MPP7: variants seen among roughly 807,000 people sequenced by gnomAD.
MPP7 encodes the protein MAGUK p55 subfamily member 7.
Under a neutral mutation model 76.5 loss-of-function variants are expected in MPP7, and 60 were observed. That is an observed-to-expected ratio of 0.78 (90% confidence interval 0.64 to 0.97). The LOEUF (loss-of-function observed/expected upper bound fraction) is 0.97. Among genes scored for constraint, MPP7 ranks in the 50% least tolerant of loss-of-function variants. The pLI, the probability that MPP7 is intolerant of heterozygous loss-of-function variation, is 0.00. For missense variants in MPP7, 641 were observed against 694.0 expected (o/e 0.92, Z 0.86); for synonymous variants, 237 against 244.5 (o/e 0.97, Z 0.29).
rs1025850719 is a variant in MPP7, at chr10:28,054,360, C to T, written c.1552-116G>A. On this transcript the variant is annotated intron_variant, in intron 16 of 16. Transcript: ENST00000683449. ...ATGCTGTTCTGTGTTCAGTCTTTCC[C>T]CTCAGCCAGAAATAAAAGTCATCCT... The T allele has an allele frequency of 1.6e-5, 10 of 618,186 alleles. No homozygotes were observed. In the African/African-American group the frequency reaches 1.9e-4, roughly 12 times the overall value. 38.3% of individuals were successfully genotyped at this position (618,186 alleles called of 1,614,324 possible).
At chr10:28,204,260 T>C (rs112215295) in intron 2 of MPP7, among the ~76,000 whole-genome samples, 23 of 152,110 alleles carry the variant, frequency 1.5e-4, no homozygotes, top group African/African-American at 5.3e-4. Context: ...CTGGCCAACA[T>C]GGTGAAACCC....
chr10:28,200,482 GCTTT>G (rs1837734655), intron 3 of MPP7, among the ~76,000 whole-genome samples: 1 of 152,136 alleles, frequency 6.6e-6, no homozygotes, highest in Admixed American at 6.5e-5. Context: ...CCTCCGCTAT[GCTTT>G]CTAACCACTT....
chr10:28,264,588 T>TA (rs1297456264), intron 1 of MPP7, among the ~76,000 whole-genome samples: 2 of 150,696 alleles, frequency 1.3e-5, no homozygotes, highest in Non-Finnish European at 3.0e-5. Context: ...TTTTTTTTTT[T>TA]AAATAAAATA....
intron 5 of MPP7, among the ~76,000 whole-genome samples, chr10:28,146,128 A>G (rs991756152): frequency 6.6e-6 from 1 of 152,222 alleles, no homozygotes; most frequent in Non-Finnish European, 1.5e-5. Flanking sequence ...GTGCAGTCTA[A>G]GACCAAATGA....
In MPP7 at chr10:28,051,205, G is replaced by T. The variant is rs1588698830; in HGVS notation, c.*2860C>A. The T allele has an allele frequency of 6.6e-6, 1 of 152,072 alleles. No homozygotes were observed. Among genetic ancestry groups the T allele is most frequent in the Admixed American group, 6.5e-5 (1 of 15,268 alleles). The allele number at this position is 152,072 out of a possible 1,614,324, so 9.4% of individuals were successfully genotyped here. ...TTGAAGGTACTTTATTAAGATCAAA[G>T]ATTTTTCATTACATTTATTTATAAA... On this transcript the variant is annotated 3_prime_UTR_variant, in exon 17 of 17. Coordinates refer to ENST00000683449, the MANE Select transcript of MPP7 (RefSeq NM_001318170.2).
chr10:28,257,228 G>A (rs557059227), intron 1 of MPP7, among the ~76,000 whole-genome samples: 24 of 152,198 alleles, frequency 1.6e-4, no homozygotes, highest in African/African-American at 5.5e-4. Context: ...GTCATGACAC[G>A]AACTGGAAAT....
chr10:28,125,189 A>C, intron 6 of MPP7, 98 bp from the exon 7 acceptor site: 1 of 1,004,010 alleles, frequency 1.0e-6, no homozygotes, highest in Non-Finnish European at 1.5e-6. Flanking sequence ...AAGAGAAAAC[A>C]ACTACAAAAA....
chr10:28,286,171 C>T (rs775353299), intron 1 of MPP7, among the ~76,000 whole-genome samples: 4 of 152,054 alleles, frequency 2.6e-5, no homozygotes, highest in Non-Finnish European at 4.4e-5. Flanking sequence ...AGTGAAACCT[C>T]GTCTCTACTA....
chr10:28,151,575 G>GT (rs1400509270), intron 3 of MPP7, among the ~76,000 whole-genome samples: 1 of 152,118 alleles, frequency 6.6e-6, no homozygotes, highest in African/African-American at 2.4e-5. Context: ...GACTTATTAA[G>GT]AACTTACCAG....
intron 11 of MPP7, among the ~76,000 whole-genome samples, chr10:28,111,106 T>C (rs1834492361): frequency 6.6e-6 from 1 of 152,130 alleles, no homozygotes; most frequent in Non-Finnish European, 1.5e-5. Flanking sequence ...ATTATACATG[T>C]ACCTTTAATT....
chr10:28,296,579 G>A (rs906100732), intron 1 of MPP7, among the ~76,000 whole-genome samples: 3 of 152,158 alleles, frequency 2.0e-5, no homozygotes, highest in African/African-American at 7.2e-5. Context: ...CAACTGCTAT[G>A]TATTTTCATC....
At chr10:28,212,556 G>T (rs1838174435) in intron 2 of MPP7, among the ~76,000 whole-genome samples, 2 of 152,146 alleles carry the variant, frequency 1.3e-5, no homozygotes, top group Admixed American at 1.3e-4. Flanking sequence ...GGAATCACTG[G>T]CACATGATTT....
intron 5 of MPP7, among the ~76,000 whole-genome samples, chr10:28,133,803 T>C (rs148439582): frequency 3.3e-4 from 51 of 152,308 alleles, no homozygotes; most frequent in African/African-American, 1.2e-3. Context: ...ATTTGAAAAT[T>C]ATATAATTAG....
intron 3 of MPP7, among the ~76,000 whole-genome samples, chr10:28,191,998 C>T (rs1588904477): frequency 6.6e-6 from 1 of 152,120 alleles, no homozygotes; most frequent in Non-Finnish European, 1.5e-5. Context: ...GTGACGCACA[C>T]CTGTAATCCC....
At chr10:28,087,152 A>C (rs1415175391) in intron 12 of MPP7, among the ~76,000 whole-genome samples, 3 of 151,992 alleles carry the variant, frequency 2.0e-5, no homozygotes, top group Non-Finnish European at 4.4e-5. Context: ...TCCCCCAAGA[A>C]AGCTGGTTGT....
chr10:28,155,115 C>T (rs1206122691), intron 3 of MPP7, among the ~76,000 whole-genome samples: 1 of 152,098 alleles, frequency 6.6e-6, no homozygotes. Context: ...ATGGAATGAA[C>T]CGTCTTAAAA....
upstream of MPP7, among the ~76,000 whole-genome samples, chr10:28,308,047 T>C (rs1841268893): frequency 6.6e-6 from 1 of 152,184 alleles, no homozygotes; most frequent in African/African-American, 2.4e-5. Context: ...ACACTTCCCC[T>C]CGCTTTCTCA....
chr10:28,292,258 G>A (rs914134262), intron 1 of MPP7, among the ~76,000 whole-genome samples: 1 of 152,126 alleles, frequency 6.6e-6, no homozygotes, highest in African/African-American at 2.4e-5. Flanking sequence ...ACACAATGAC[G>A]AAATCACCTA....
chr10:28,296,052 T>C (rs1841028897), intron 1 of MPP7, among the ~76,000 whole-genome samples: 1 of 152,190 alleles, frequency 6.6e-6, no homozygotes, highest in Admixed American at 6.5e-5. Context: ...ATTCCAAAAA[T>C]TTAAAACATA....
Sources: allele counts gnomAD v4.1 joint callset (sites outside exome capture counted in the v4.1 genomes callset), GRCh38; gene constraint gnomAD v4.1.1; transcripts MANE v1.5; gene names NCBI Gene and HGNC (gene_info 2026-07-23, HGNC 2026-07-21).